Variants in VWF observed in about 807,000 individuals in gnomAD.
VWF encodes von Willebrand factor, also known as Factor VIII related antigen.
Under a neutral mutation model 308.6 loss-of-function variants are expected in VWF, and 176 were observed. The observed-to-expected ratio is 0.57, with a 90% CI of 0.50 to 0.65. The LOEUF is 0.65. VWF is among the 30% of genes least tolerant of loss of function. The pLI is 0.00. For synonymous variants in VWF, 1,385 were observed against 1,443.4 expected (o/e 0.96, Z 0.92); for missense variants, 3,146 against 3,648.2 (o/e 0.86, Z 3.55).
Position 6,018,702 on chromosome 12 carries a change from G to T in VWF, c.4716C>A (p.Gly1572=). ...CCAGCCCAGTGTTGGTCCTGTTGCCGCCCTGGTAGCGGATCTCTCGCACCC... is the reference window on the plus strand; with the variant it reads ...CCAGCCCAGTGTTGGTCCTGTTGCCTCCCTGGTAGCGGATCTCTCGCACCC... ...LQRVREIRYQ[G]GNRTNTGLAL... The change falls in exon 28 of 52, where the codon GGC becomes GGA. Residue 1572 remains glycine (G), a synonymous_variant. Transcript: ENST00000261405. 6.2e-7 allele frequency: 1 copy of T among 1,613,632 alleles called. No homozygotes were observed. Among genetic ancestry groups the T allele is most frequent in the Non-Finnish European group, 8.5e-7 (1 of 1,179,856 alleles).
At position 6,075,566 on chromosome 12, in the gene VWF, G is replaced by T. The variant is rs777016276; in HGVS notation, c.658-15C>A. On this transcript the variant is annotated splice_polypyrimidine_tract_variant and intron_variant, in intron 6 of 51. Coordinates refer to ENST00000261405, the MANE Select transcript of VWF (RefSeq NM_000552.5). This position sits in a 1 kb window ranked among gnomAD's most constrained non-coding sequence, Gnocchi z 4.7. ...TCCCACAGGCCCTGCAGGAAGAGGG[G>T]CCGCCTCAGCGGTATGCTCCGTTAG... 6.2e-7 allele frequency: 1 copy of T among 1,609,888 alleles called. No individual in the cohort carries two copies. The highest frequency in any genetic ancestry group is 8.5e-7 in the Non-Finnish European group (1 of 1,178,116).
chr12:6,098,734 G>A (rs1945130839), intron 5 of VWF, among the ~76,000 whole-genome samples: 1 of 151,684 alleles, frequency 6.6e-6, no homozygotes, highest in Non-Finnish European at 1.5e-5. Context: ...AGCCAAGATG[G>A]CACCACTGCA....
intron 10 of VWF, among the ~76,000 whole-genome samples, chr12:6,069,457 T>C (rs1944757201): frequency 6.6e-6 from 1 of 152,076 alleles, no homozygotes; most frequent in Non-Finnish European, 1.5e-5. Context: ...CTCCTCACTT[T>C]ACAAGCAGAG....
intron 44 of VWF, among the ~76,000 whole-genome samples, chr12:5,970,449 G>A (rs1040548429): frequency 2.6e-5 from 4 of 152,236 alleles, no homozygotes; most frequent in African/African-American, 9.6e-5. Flanking sequence ...AATACTGAGC[G>A]CAAAGGGACC....
intron 34 of VWF, among the ~76,000 whole-genome samples, chr12:6,006,032 A>G (rs1373936654): frequency 6.6e-6 from 1 of 152,252 alleles, no homozygotes; most frequent in African/African-American, 2.4e-5. Flanking sequence ...AGACAAACTT[A>G]TAAAAATAAC....
intron 39 of VWF, 72 bp from the exon 40 acceptor site, chr12:5,985,191 T>A (rs568435554): frequency 6.7e-7 from 1 of 1,502,014 alleles, no homozygotes; most frequent in East Asian, 2.3e-5. Context: ...TTTGAAATGT[T>A]CTTGCTCACT....
At chr12:5,983,312 C>T in intron 40 of VWF, 58 bp from the exon 41 acceptor site, 1 of 1,531,272 alleles carries the variant, frequency 6.5e-7, no homozygotes, top group Non-Finnish European at 8.9e-7. Flanking sequence ...TCTTTTATTA[C>T]CTGTGAGTGG....
intron 51 of VWF, 92 bp downstream of exon 51, chr12:5,949,682 CCCTGCGAATTTT>C: frequency 8.3e-7 from 1 of 1,206,020 alleles, no homozygotes; most frequent in Non-Finnish European, 1.2e-6. Context: ...CCCTTCTCTT[CCCTGCGAATTTT>C]CCAGATCCTT....
intron 16 of VWF, among the ~76,000 whole-genome samples, chr12:6,048,252 C>T (rs1371307258): frequency 1.3e-5 from 2 of 152,222 alleles, no homozygotes; most frequent in African/African-American, 4.8e-5. Flanking sequence ...ACTGCAACCT[C>T]CTACTCCCTG....
intron 18 of VWF, among the ~76,000 whole-genome samples, chr12:6,039,265 G>T (rs143393650): frequency 6.6e-6 from 1 of 152,194 alleles, no homozygotes. Flanking sequence ...TCTTCAGTCC[G>T]AAAGGGGTCA....
intron 6 of VWF, among the ~76,000 whole-genome samples, chr12:6,076,606 T>C (rs780652937): frequency 1.3e-5 from 2 of 152,238 alleles, no homozygotes; most frequent in Non-Finnish European, 2.9e-5. Flanking sequence ...AAAAAACTTA[T>C]GATCTTCAGC....
At chr12:6,115,960 A>C (rs1354365339) in intron 3 of VWF, among the ~76,000 whole-genome samples, 1 of 152,178 alleles carries the variant, frequency 6.6e-6, no homozygotes, top group Admixed American at 6.5e-5. Context: ...TGCAACACAA[A>C]GCTGCGTAAC....
chr12:6,090,860 C>T (rs139380104), intron 6 of VWF, among the ~76,000 whole-genome samples: 11 of 152,300 alleles, frequency 7.2e-5, no homozygotes, highest in Admixed American at 2.6e-4. Flanking sequence ...ACGCTCACGC[C>T]GAGGCCCAGG....
intron 44 of VWF, among the ~76,000 whole-genome samples, chr12:5,970,460 A>G (rs1194190972): frequency 1.3e-5 from 2 of 152,172 alleles, no homozygotes; most frequent in African/African-American, 2.4e-5. Context: ...CAAAGGGACC[A>G]GCTCTCAGCC....
In VWF at chr12:6,121,298, C is replaced by T. The variant is rs146778712; in HGVS notation, c.96G>A (p.Thr32=). The T allele has an allele frequency of 4.6e-5, 75 of 1,614,180 alleles. No homozygotes were observed. In the Middle Eastern group the frequency reaches 1.3e-3, roughly 28 times the overall value. Residue 32 remains threonine, a synonymous_variant, in exon 3 of 52, where the codon ACG becomes ACA. Coordinates refer to ENST00000261405, the MANE Select transcript of VWF (RefSeq NM_000552.5). Reference sequence around the variant, plus strand: ...CACTTCCGAAAAGGCTGCATCGGGCCGTGGATGACCTGCCGCGAGTTCCTT... The same window carrying T: ...CACTTCCGAAAAGGCTGCATCGGGCTGTGGATGACCTGCCGCGAGTTCCTT... ...CAEGTRGRSS[T]ARCSLFGSDF... is the part of the protein sequence containing the mutation.
chr12:6,025,961 G>A lies in VWF; in HGVS notation c.3053C>T (p.Pro1018Leu). 6.2e-7 allele frequency: 1 copy of A among 1,614,004 alleles called. No individual in the cohort carries two copies. Among genetic ancestry groups the A allele is most frequent in the Non-Finnish European group, 8.5e-7 (1 of 1,179,876 alleles). The change falls in exon 23 of 52, where the codon CCT (proline) becomes CTT (leucine). Residue 1018 changes from proline to leucine, a missense_variant. By Grantham distance (98) the Pro-to-Leu change is moderately conservative (BLOSUM62 -3). Coordinates refer to ENST00000261405, the MANE Select transcript of VWF (RefSeq NM_000552.5). ...TSSNLQVEED[P>L]VDFGNSWKVS... ...TTTCCAGGAGTTCCCAAAGTCCACA[G>A]GGTCTTCCTCCACTTGGAGGTTGCT... is the stretch of plus-strand genomic sequence containing the variant.
chr12:5,958,842 T>C (rs1943279862), intron 47 of VWF, among the ~76,000 whole-genome samples: 1 of 152,196 alleles, frequency 6.6e-6, no homozygotes, highest in Admixed American at 6.5e-5. Context: ...CTGACTGTAA[T>C]TCTTAGTTTG....
At chr12:5,980,087 AAAGAAAGGAAGGAAGGAAGGAAGG>A (rs1159016329) in intron 42 of VWF, among the ~76,000 whole-genome samples, 12 of 78,448 alleles carry the variant, frequency 1.5e-4, no homozygotes, top group African/African-American at 4.0e-4. Flanking sequence ...GAAAGAAAAG[AAAGAAAGGAAGGAAGGAAGGAAGG>A]AAGGAAGGAA....
intron 43 of VWF, among the ~76,000 whole-genome samples, chr12:5,974,340 A>G (rs924524154): frequency 6.6e-6 from 1 of 152,130 alleles, no homozygotes; most frequent in Non-Finnish European, 1.5e-5. Context: ...CCTCTAAGAC[A>G]GGGCACTCGA....
Sources: allele counts gnomAD v4.1 joint callset (sites outside exome capture counted in the v4.1 genomes callset), GRCh38; gene constraint gnomAD v4.1.1; non-coding constraint Gnocchi (gnomAD v3.1); transcripts MANE v1.5; gene names NCBI Gene and HGNC (gene_info 2026-07-23, HGNC 2026-07-21).